Variants in CTDSPL2 observed in about 807,000 individuals in gnomAD.
CTDSPL2 encodes the protein CTD small phosphatase like 2.
A neutral mutation model predicts 60.0 loss-of-function variants in CTDSPL2; 5 were observed. The ratio of observed to expected loss-of-function variants is 0.08; its 90% confidence interval spans 0.04 to 0.18. CTDSPL2 has a LOEUF of 0.18. Ranked by LOEUF, CTDSPL2 falls within the 10% of genes least tolerant of loss-of-function variation. The probability of loss-of-function intolerance (pLI) is 1.00; values close to 1 mark genes in which losing one functional copy is unlikely to be tolerated. For synonymous variants in CTDSPL2, 186 were observed against 189.3 expected (o/e 0.98, Z 0.14); for missense variants, 370 against 548.8 (o/e 0.67, Z 3.26).
At chr15:44,448,943 C>A (rs530423570) in intron 1 of CTDSPL2, 1 of 413,562 alleles carries the variant, frequency 2.4e-6, no homozygotes, top group Non-Finnish European at 4.5e-6. Context: ...GTGCCCAATC[C>A]ATGATTTTTT....
At chr15:44,475,641 A>G (rs1210141861) in intron 2 of CTDSPL2, among the ~76,000 whole-genome samples, 1 of 138,950 alleles carries the variant, frequency 7.2e-6, no homozygotes, top group Non-Finnish European at 1.5e-5. Context: ...TTCGTCTCAA[A>G]AAAAAAAAAA....
In CTDSPL2 at chr15:44,524,642, G is replaced by A. The variant is rs1198069036; in HGVS notation, c.*468G>A. ...AAGTTGTTTTATTTTTCCTGTTAAGGTTTATAACCTTTTTACATTTTTGAC... is the reference window on the plus strand; with the variant it reads ...AAGTTGTTTTATTTTTCCTGTTAAGATTTATAACCTTTTTACATTTTTGAC... On this transcript the variant is annotated 3_prime_UTR_variant, in exon 13 of 13. Coordinates refer to ENST00000260327, the MANE Select transcript of CTDSPL2 (RefSeq NM_016396.3). The A allele has an allele frequency of 6.5e-6, 1 of 153,818 alleles. No individual in the cohort carries two copies. Among genetic ancestry groups the A allele is most frequent in the Non-Finnish European group, 1.4e-5 (1 of 68,986 alleles). The allele number at this position is 153,818 out of a possible 1,614,324, so 9.5% of individuals were successfully genotyped here.
chr15:44,457,323 A>T (rs1335739375), intron 1 of CTDSPL2, among the ~76,000 whole-genome samples: 7 of 152,224 alleles, frequency 4.6e-5, no homozygotes. Flanking sequence ...TCTTCTGGAT[A>T]ACTTGCCTCC....
At chr15:44,441,851 T>C (rs987242579) in intron 1 of CTDSPL2, among the ~76,000 whole-genome samples, 7 of 152,208 alleles carry the variant, frequency 4.6e-5, no homozygotes, top group African/African-American at 1.7e-4. Flanking sequence ...AAAACTCCAG[T>C]GGGTCATAGA....
chr15:44,485,749 TC>T (rs1383037381), intron 3 of CTDSPL2, among the ~76,000 whole-genome samples: 1 of 152,168 alleles, frequency 6.6e-6, no homozygotes, highest in South Asian at 2.1e-4. Flanking sequence ...CAGCAATTTC[TC>T]CCCTTGTCTC....
chr15:44,479,079 A>C (rs983833365), intron 2 of CTDSPL2, among the ~76,000 whole-genome samples: 78 of 139,822 alleles, frequency 5.6e-4, no homozygotes, highest in African/African-American at 2.4e-3. Flanking sequence ...CAAACAAACA[A>C]AAAAAAAAAA....
intron 1 of CTDSPL2, among the ~76,000 whole-genome samples, chr15:44,443,815 T>G (rs1042836153): frequency 6.6e-6 from 1 of 152,202 alleles, no homozygotes; most frequent in African/African-American, 2.4e-5. Context: ...AAGAACTTCT[T>G]AAGAGACACA....
At chr15:44,500,165 A>G (rs560510318) in intron 8 of CTDSPL2, among the ~76,000 whole-genome samples, 6 of 152,342 alleles carry the variant, frequency 3.9e-5, no homozygotes, top group African/African-American at 1.2e-4. Context: ...CAAAAATCCA[A>G]TTAATACAAA....
At chr15:44,506,025 C>CTTTTTTTTTTTTTTTTTTTTTTTTTT (rs753896129) in intron 8 of CTDSPL2, among the ~76,000 whole-genome samples, 16 of 117,580 alleles carry the variant, frequency 1.4e-4, no homozygotes, top group East Asian at 5.4e-4. Context: ...TCATTGGTAA[C>CTTTTTTTTTTTTTTTTTTTTTTTTTT]TTTTTTTTTT....
chr15:44,432,473 C>G (rs1013623540), intron 1 of CTDSPL2, among the ~76,000 whole-genome samples: 1 of 151,702 alleles, frequency 6.6e-6, no homozygotes, highest in Non-Finnish European at 1.5e-5. Flanking sequence ...GCACACGCCA[C>G]CATGCTCGGC....
intron 1 of CTDSPL2, among the ~76,000 whole-genome samples, chr15:44,428,400 C>G (rs1320478207): frequency 2.0e-5 from 3 of 152,202 alleles, no homozygotes; most frequent in African/African-American, 4.8e-5. Context: ...CCTTAATATT[C>G]TCTGCTTTCT....
intron 1 of CTDSPL2, among the ~76,000 whole-genome samples, chr15:44,451,204 ATCT>A (rs1253187085): frequency 1.3e-5 from 2 of 151,922 alleles, no homozygotes; most frequent in South Asian, 4.2e-4. Context: ...GGCTCAAGTG[ATCT>A]TCTCTCTCTC....
intron 2 of CTDSPL2, among the ~76,000 whole-genome samples, chr15:44,459,923 G>A (rs1369144157): frequency 1.3e-5 from 2 of 152,108 alleles, no homozygotes; most frequent in Non-Finnish European, 2.9e-5. Context: ...AATGGACACG[G>A]ACCAGGAGTC....
chr15:44,504,744 C>T (rs929397659), intron 8 of CTDSPL2, among the ~76,000 whole-genome samples: 2 of 151,874 alleles, frequency 1.3e-5, no homozygotes, highest in African/African-American at 4.8e-5. Context: ...GTGGGGAGCA[C>T]CTATAGTCCC....
At chr15:44,441,704 C>G (rs2080090390) in intron 1 of CTDSPL2, among the ~76,000 whole-genome samples, 1 of 152,060 alleles carries the variant, frequency 6.6e-6, no homozygotes, top group African/African-American at 2.4e-5. Context: ...GAGTCCTCAG[C>G]TCTCGGATGG....
chr15:44,480,202 A>G (rs1243604243), intron 2 of CTDSPL2, among the ~76,000 whole-genome samples: 1 of 151,980 alleles, frequency 6.6e-6, no homozygotes, highest in African/African-American at 2.4e-5. Context: ...ATGCTATTGG[A>G]TTGGACAGCA....
intron 1 of CTDSPL2, chr15:44,449,386 T>C (rs1218966075): frequency 6.5e-6 from 1 of 153,346 alleles, no homozygotes; most frequent in African/African-American, 2.4e-5. Context: ...AGTGGCATGA[T>C]CTCGGCTCAC....
At chr15:44,482,367 A>G (rs1481647369) in intron 2 of CTDSPL2, among the ~76,000 whole-genome samples, 4 of 152,174 alleles carry the variant, frequency 2.6e-5, no homozygotes, top group Admixed American at 6.5e-5. Flanking sequence ...CTGCCCCAAC[A>G]TACCTCTCTC....
chr15:44,468,967 G>A (rs2080751459), intron 2 of CTDSPL2, among the ~76,000 whole-genome samples: 2 of 152,048 alleles, frequency 1.3e-5, no homozygotes, highest in East Asian at 3.8e-4. Context: ...TAGCTTTCTT[G>A]TTTATCATAT....
Sources: allele counts gnomAD v4.1 joint callset (sites outside exome capture counted in the v4.1 genomes callset), GRCh38; gene constraint gnomAD v4.1.1; transcripts MANE v1.5; gene names NCBI Gene and HGNC (gene_info 2026-07-23, HGNC 2026-07-21).